Variants in TANC1 observed in about 807,000 individuals in gnomAD.
The protein encoded by TANC1 is protein TANC1.
TANC1 carries 77 observed loss-of-function variants against 149.7 expected under a neutral mutation model. That is an observed-to-expected ratio of 0.51 (90% CI 0.43 to 0.62). The LOEUF is 0.62. Among genes scored for constraint, TANC1 ranks in the 20% least tolerant of loss-of-function variants. TANC1 has a pLI of 0.00. For missense variants in TANC1, 1,985 were observed against 2,321.8 expected, an observed-to-expected ratio of 0.85 and a Z score of 2.98; for synonymous variants, 854 against 925.0, an observed-to-expected ratio of 0.92 and a Z score of 1.39.
At chr2:159,171,278 G>T (rs1360234581) in intron 10 of TANC1, among the ~76,000 whole-genome samples, 1 of 152,204 alleles carries the variant, frequency 6.6e-6, no homozygotes, top group Non-Finnish European at 1.5e-5. Flanking sequence ...TATTTCATAT[G>T]CAATAAACCC....
chr2:159,173,643 C>T (rs1029804179), intron 11 of TANC1, among the ~76,000 whole-genome samples: 4 of 152,106 alleles, frequency 2.6e-5, no homozygotes, highest in African/African-American at 9.7e-5. Context: ...TTTCATGACC[C>T]ACTGTTGGGT....
At chr2:158,983,635 T>G (rs2034680011) in intron 1 of TANC1, among the ~76,000 whole-genome samples, 5 of 152,202 alleles carry the variant, frequency 3.3e-5, no homozygotes, top group Admixed American at 6.5e-5. Flanking sequence ...TTTTGTAATG[T>G]TTTGCTTGAG....
chr2:159,178,559 A>T lies in TANC1; in HGVS notation c.1906A>T (p.Ile636Phe). 2 of 1,556,182 alleles carry T rather than the reference A, an allele frequency of 1.3e-6. No homozygotes were observed. Among genetic ancestry groups the T allele is most frequent in the Non-Finnish European group, 1.7e-6 (2 of 1,153,550 alleles). Residue 636 changes from isoleucine to phenylalanine, a missense_variant, in exon 14 of 27, where the codon ATC (isoleucine) becomes TTC (phenylalanine). Coordinates refer to ENST00000263635, the MANE Select transcript of TANC1 (RefSeq NM_033394.3). Reference sequence around the variant, plus strand: ...GGGTTTTTGTTTTCTCCCCCAGGAAATCATAAGTGCGCTGCCATTTGTCAA... The same window carrying T: ...GGGTTTTTGTTTTCTCCCCCAGGAATTCATAAGTGCGCTGCCATTTGTCAA... ...IVTVRANFQE[I>F]ISALPFVKLS... is the part of the protein sequence containing the mutation.
chr2:159,090,834 G>A (rs1280755783), intron 3 of TANC1, among the ~76,000 whole-genome samples: 1 of 152,164 alleles, frequency 6.6e-6, no homozygotes, highest in Non-Finnish European at 1.5e-5. Context: ...GAGAGGAGAG[G>A]AAACTAGGGT....
intron 3 of TANC1, among the ~76,000 whole-genome samples, chr2:159,082,246 T>G (rs1209496240): frequency 2.0e-5 from 3 of 152,208 alleles, no homozygotes; most frequent in Non-Finnish European, 4.4e-5. Flanking sequence ...GCCACACCCC[T>G]GCAGTCTTGC....
chr2:159,109,540 C>T (rs1041406848), intron 4 of TANC1, among the ~76,000 whole-genome samples: 6 of 152,140 alleles, frequency 3.9e-5, no homozygotes, highest in East Asian at 1.9e-4. Flanking sequence ...TGTGAGAATA[C>T]GGTAGTTCTT....
At chr2:159,092,496 G>A (rs2045655757) in intron 3 of TANC1, among the ~76,000 whole-genome samples, 1 of 152,120 alleles carries the variant, frequency 6.6e-6, no homozygotes, top group Non-Finnish European at 1.5e-5. Context: ...TTAAAATAAA[G>A]AACTGTTATC....
Position 159,176,105 on chromosome 2 carries a change from G to A in TANC1, c.1736-247G>A, listed in dbSNP as rs150042507. Among the ~76,000 whole-genome samples, 793 of 152,294 alleles carry A rather than the reference G, an allele frequency of 5.2e-3. 8 individuals are homozygous for A. The highest frequency in any genetic ancestry group is 0.018 in the African/African-American group (733 of 41,570). On this transcript the variant is annotated intron_variant, in intron 12 of 26. Transcript: ENST00000263635. ...GAAGAGCTAACTGTGTTATATACAC[G>A]AGTGAGATTCTGCTAACATGTGTCA...
In TANC1 at chr2:159,143,551, C is replaced by CAAAAA. The variant is rs56992262; in HGVS notation, c.365-5562_365-5558dup. On this transcript the variant is annotated intron_variant, in intron 5 of 26. Transcript: ENST00000263635. Reference sequence around the variant, plus strand: ...TGAGTAACATAGCAAGACCCCATCTCAAAAAAAAAAAAAAAAAAAAAAAAA... The same window carrying CAAAAA: ...TGAGTAACATAGCAAGACCCCATCTCAAAAAAAAAAAAAAAAAAAAAAAAAAAAAA... 5.5e-4 allele frequency among the ~76,000 whole-genome samples: 37 copies of CAAAAA among 67,296 alleles called. 1 individual carries two copies. Among genetic ancestry groups the CAAAAA allele is most frequent in the South Asian group, 9.6e-4 (1 of 1,040 alleles). 44.1% of individuals were successfully genotyped at this position (67,296 alleles called of 152,430 possible).
chr2:158,969,411 G>C (rs2032490281), intron 1 of TANC1, among the ~76,000 whole-genome samples: 1 of 152,236 alleles, frequency 6.6e-6, no homozygotes, highest in Non-Finnish European at 1.5e-5. Flanking sequence ...TCCTTTATTG[G>C]GGGTGGGGGT....
chr2:159,217,414 G>A, intron 19 of TANC1, 83 bp from the exon 20 acceptor site: 5 of 1,548,314 alleles, frequency 3.2e-6, no homozygotes, highest in Non-Finnish European at 4.4e-6. Context: ...TCTCCCACTG[G>A]GGGAGAGAAC....
chr2:159,112,555 CTTTTTTT>C (rs34643604), intron 4 of TANC1, among the ~76,000 whole-genome samples: 1 of 130,050 alleles, frequency 7.7e-6, no homozygotes, highest in Non-Finnish European at 1.6e-5. Context: ...TGCACCCAGC[CTTTTTTT>C]TTTTTTTTTT....
intron 8 of TANC1, among the ~76,000 whole-genome samples, chr2:159,168,190 A>G (rs2054802495): frequency 6.6e-6 from 1 of 152,242 alleles, no homozygotes; most frequent in Non-Finnish European, 1.5e-5. Context: ...TTAAAAGGCA[A>G]AAACGTGTAC....
At chr2:159,082,808 C>T (rs1300192403) in intron 3 of TANC1, among the ~76,000 whole-genome samples, 1 of 152,192 alleles carries the variant, frequency 6.6e-6, no homozygotes, top group African/African-American at 2.4e-5. Flanking sequence ...TTTGGCTTTA[C>T]AAGAATGGGC....
At position 159,208,937 on chromosome 2, in the gene TANC1, G is replaced by C. The variant is rs752353650; in HGVS notation, c.3245-8560G>C. On this transcript the variant is annotated intron_variant, in intron 19 of 26. Transcript: ENST00000263635. ...ATTGCTGTACTGAATACTGTAGGCAGCTATAACACAAAGGTAAATACTTGT... is the reference window on the plus strand; with the variant it reads ...ATTGCTGTACTGAATACTGTAGGCACCTATAACACAAAGGTAAATACTTGT... Among the ~76,000 whole-genome samples the C allele has an allele frequency of 1.4e-4, 22 of 152,346 alleles. 1 individual carries two copies. In the Middle Eastern group the frequency reaches 0.017, roughly 118 times the overall value.
At chr2:159,207,224 A>T (rs1322309827) in intron 19 of TANC1, among the ~76,000 whole-genome samples, 1 of 152,268 alleles carries the variant, frequency 6.6e-6, no homozygotes, top group Non-Finnish European at 1.5e-5. Context: ...CCATGTGGCC[A>T]GAATTAGAGG....
At chr2:159,187,890 ATTTAT>A (rs1437654318) in intron 16 of TANC1, among the ~76,000 whole-genome samples, 2 of 152,240 alleles carry the variant, frequency 1.3e-5, no homozygotes, top group African/African-American at 4.8e-5. Context: ...TGGGCATAGA[ATTTAT>A]TTTAATATGG....
intron 7 of TANC1, among the ~76,000 whole-genome samples, chr2:159,159,405 A>C (rs903915140): frequency 1.3e-5 from 2 of 149,758 alleles, no homozygotes; most frequent in Admixed American, 1.4e-4. Flanking sequence ...GCACCACTGC[A>C]CTCCAGCCTG....
At chr2:159,219,990 G>A in intron 22 of TANC1, 123 bp downstream of exon 22, 1 of 603,668 alleles carries the variant, frequency 1.7e-6, no homozygotes, top group Non-Finnish European at 2.6e-6. Flanking sequence ...GTGTGTGTGT[G>A]TGTGTGTGTG....
Sources: gnomAD v4.1 joint callset for allele counts (sites outside exome capture counted in the v4.1 genomes callset) on GRCh38, gnomAD v4.1.1 for gene constraint, MANE v1.5 for transcripts, NCBI Gene and HGNC (gene_info 2026-07-23, HGNC 2026-07-21) for gene names.